SDK1: variants seen among roughly 807,000 people sequenced by gnomAD.
The protein encoded by SDK1 is protein sidekick-1.
Under a neutral mutation model 245.5 loss-of-function variants are expected in SDK1, and 157 were observed. The ratio of observed to expected loss-of-function variants is 0.64; its 90% confidence interval spans 0.56 to 0.73. SDK1 has a LOEUF of 0.73. Among genes scored for constraint, SDK1 ranks in the 30% least tolerant of loss-of-function variants. The probability of loss-of-function intolerance (pLI) is 0.00; values close to 1 mark genes in which losing one functional copy is unlikely to be tolerated. For missense variants in SDK1, 3,583 were observed against 3,002.3 expected (o/e 1.19, Z -4.52); for synonymous variants, 1,647 against 1,278.5 (o/e 1.29, Z -6.15).
intron 1 of SDK1, among the ~76,000 whole-genome samples, chr7:3,566,917 G>C (rs1438304648): frequency 6.6e-6 from 1 of 152,146 alleles, no homozygotes; most frequent in Non-Finnish European, 1.5e-5. Flanking sequence ...GAGGATGGTA[G>C]ATACAAGTGG....
At chr7:3,702,744 A>G (rs1784774381) in intron 4 of SDK1, among the ~76,000 whole-genome samples, 1 of 152,208 alleles carries the variant, frequency 6.6e-6, no homozygotes, top group Admixed American at 6.5e-5. Flanking sequence ...ATTGACTAGA[A>G]AATAAATTAG....
intron 34 of SDK1, among the ~76,000 whole-genome samples, chr7:4,178,092 C>G (rs1437019662): frequency 6.6e-6 from 1 of 152,210 alleles, no homozygotes; most frequent in East Asian, 1.9e-4. Flanking sequence ...GGATGGGGAG[C>G]AACTGTCAAT....
Position 3,505,862 on chromosome 7 carries a change from A to G in SDK1, c.299-113218A>G, listed in dbSNP as rs930285982. ...GTAGCCATGGGAGGTCCTGGAACCA[A>G]TCCCCTTTGAATACCAAGGGAAGAC... On this transcript the variant is annotated intron_variant, in intron 1 of 44. Coordinates refer to ENST00000404826, the MANE Select transcript of SDK1 (RefSeq NM_152744.4). Among the ~76,000 whole-genome samples the G allele has an allele frequency of 2.6e-5, 4 of 152,058 alleles. 1 individual carries two copies. The highest frequency in any genetic ancestry group is 4.2e-4 in the South Asian group (2 of 4,810).
intron 1 of SDK1, among the ~76,000 whole-genome samples, chr7:3,444,949 CT>C (rs1485735922): frequency 6.6e-6 from 1 of 152,144 alleles, no homozygotes; most frequent in African/African-American, 2.4e-5. Flanking sequence ...TTACAAACTA[CT>C]TTGAAAAATT....
intron 1 of SDK1, among the ~76,000 whole-genome samples, chr7:3,513,369 A>G (rs1782641871): frequency 1.3e-5 from 2 of 152,186 alleles, no homozygotes; most frequent in African/African-American, 4.8e-5. Flanking sequence ...GGTTATTCTC[A>G]AGTTGATTTA....
intron 1 of SDK1, among the ~76,000 whole-genome samples, chr7:3,618,874 T>C (rs1367861600): frequency 2.0e-5 from 3 of 152,238 alleles, no homozygotes; most frequent in African/African-American, 7.2e-5. Context: ...GCGGGTATCA[T>C]TGAGCTTTCA....
intron 17 of SDK1, among the ~76,000 whole-genome samples, chr7:4,017,605 A>G (rs1225749793): frequency 1.3e-5 from 2 of 152,204 alleles, no homozygotes; most frequent in East Asian, 3.9e-4. Flanking sequence ...ACGCCTTTTG[A>G]CGGGTGCATC....
chr7:3,651,199 A>C (rs549976146), intron 4 of SDK1, among the ~76,000 whole-genome samples: 1 of 151,102 alleles, frequency 6.6e-6, no homozygotes, highest in African/African-American at 2.4e-5. Flanking sequence ...TCCCACCAGC[A>C]ATGTACGAAT....
chr7:3,477,783 G>A (rs1781394285), intron 1 of SDK1, among the ~76,000 whole-genome samples: 1 of 151,854 alleles, frequency 6.6e-6, no homozygotes, highest in East Asian at 1.9e-4. Flanking sequence ...CAAAGCACAG[G>A]GATTACAGGT....
At chr7:3,841,612 G>A (rs944410285) in intron 5 of SDK1, among the ~76,000 whole-genome samples, 5 of 151,492 alleles carry the variant, frequency 3.3e-5, no homozygotes, top group Admixed American at 1.3e-4. Flanking sequence ...TGTCACCCAG[G>A]CTAGAGTGCA....
chr7:4,148,199 G>A (rs1187347108), intron 29 of SDK1, among the ~76,000 whole-genome samples: 1 of 152,184 alleles, frequency 6.6e-6, no homozygotes, highest in Non-Finnish European at 1.5e-5. Flanking sequence ...GCTTACGGAG[G>A]CAAGTGCTGA....
chr7:3,996,772 A>T (rs1201901574), intron 14 of SDK1, among the ~76,000 whole-genome samples: 3 of 152,236 alleles, frequency 2.0e-5, no homozygotes, highest in African/African-American at 7.2e-5. Flanking sequence ...GTAGACGATC[A>T]TATCTTTTCC....
intron 4 of SDK1, among the ~76,000 whole-genome samples, chr7:3,679,036 G>A (rs1315476850): frequency 2.0e-5 from 3 of 152,100 alleles, no homozygotes; most frequent in Non-Finnish European, 2.9e-5. Flanking sequence ...CAGAGCCTAC[G>A]GATTAGTGAA....
chr7:3,900,757 C>T (rs1427861133), intron 5 of SDK1, among the ~76,000 whole-genome samples: 1 of 152,036 alleles, frequency 6.6e-6, no homozygotes, highest in African/African-American at 2.4e-5. Context: ...CTCTTTCCCT[C>T]TTTGCATGCT....
At chr7:3,337,342 A>G (rs967276997) in intron 1 of SDK1, among the ~76,000 whole-genome samples, 2 of 152,176 alleles carry the variant, frequency 1.3e-5, no homozygotes, top group Non-Finnish European at 2.9e-5. Context: ...GAAAATTAGA[A>G]TCTGCCCAAT....
chr7:3,583,330 A>G (rs1239512269), intron 1 of SDK1, among the ~76,000 whole-genome samples: 1 of 152,220 alleles, frequency 6.6e-6, no homozygotes, highest in Non-Finnish European at 1.5e-5. Context: ...TACCATTTAG[A>G]AACTTTCCTC....
chr7:3,970,484 C>G (rs1782408616), intron 11 of SDK1, among the ~76,000 whole-genome samples: 1 of 152,180 alleles, frequency 6.6e-6, no homozygotes, highest in Non-Finnish European at 1.5e-5. Flanking sequence ...AGTAACCATA[C>G]ATTTAACCCA....
chr7:3,479,451 C>G (rs893339307), intron 1 of SDK1, among the ~76,000 whole-genome samples: 4 of 144,758 alleles, frequency 2.8e-5, no homozygotes, highest in African/African-American at 7.7e-5. Context: ...AAAAGAATAT[C>G]TATTGTCCAA....
intron 1 of SDK1, among the ~76,000 whole-genome samples, chr7:3,567,474 A>T (rs796679992): frequency 2.0e-4 from 31 of 152,320 alleles, no homozygotes; most frequent in African/African-American, 7.0e-4. Context: ...ATGTGTCTTG[A>T]CGTTTAGACT....
Sources: allele counts gnomAD v4.1 joint callset (sites outside exome capture counted in the v4.1 genomes callset), GRCh38; gene constraint gnomAD v4.1.1; transcripts MANE v1.5; gene names NCBI Gene and HGNC (gene_info 2026-07-23, HGNC 2026-07-21).